The following CNTN5 variants were observed in gnomAD, a reference collection of about 807,000 sequenced individuals.
CNTN5 encodes the protein contactin-5.
A neutral mutation model predicts 129.1 loss-of-function variants in CNTN5; 77 were observed. The observed-to-expected ratio is 0.60, with a 90% CI of 0.50 to 0.72. The LOEUF (loss-of-function observed/expected upper bound fraction) is 0.72. CNTN5 is among the 30% of genes least tolerant of loss of function. The probability of loss-of-function intolerance (pLI) is 0.00; values close to 1 mark genes in which losing one functional copy is unlikely to be tolerated. For synonymous variants in CNTN5, 509 were observed against 465.6 expected, an observed-to-expected ratio of 1.09 and a Z score of -1.20; for missense variants, 1,478 against 1,328.8, an observed-to-expected ratio of 1.11 and a Z score of -1.75.
intron 2 of CNTN5, among the ~76,000 whole-genome samples, chr11:99,487,743 C>T (rs1945872406): frequency 6.6e-6 from 1 of 152,134 alleles, no homozygotes; most frequent in Non-Finnish European, 1.5e-5. Context: ...CAGGAGACTC[C>T]TTTAATCCTA....
intron 18 of CNTN5, among the ~76,000 whole-genome samples, chr11:100,274,782 T>G (rs1439166248): frequency 6.6e-6 from 1 of 152,224 alleles, no homozygotes; most frequent in Non-Finnish European, 1.5e-5. Context: ...TATACACTGT[T>G]GGTGGGAGTA....
At chr11:99,102,888 A>G (rs1050387779) in intron 1 of CNTN5, among the ~76,000 whole-genome samples, 1 of 152,026 alleles carries the variant, frequency 6.6e-6, no homozygotes, top group African/African-American at 2.4e-5. Context: ...GTATTAGTCC[A>G]TTTTCACGGT....
intron 1 of CNTN5, among the ~76,000 whole-genome samples, chr11:99,067,143 A>G (rs1044510649): frequency 4.6e-5 from 7 of 152,116 alleles, no homozygotes; most frequent in Admixed American, 6.6e-5. Context: ...ATACACAAAC[A>G]TATTGGTATC....
intron 3 of CNTN5, among the ~76,000 whole-genome samples, chr11:99,790,566 C>CTA (rs781476034): frequency 9.9e-5 from 15 of 152,126 alleles, no homozygotes; most frequent in Non-Finnish European, 2.1e-4. Flanking sequence ...TTTACCCAGT[C>CTA]TACCATTCAT....
chr11:99,245,484 A>AT (rs573740989), intron 1 of CNTN5, among the ~76,000 whole-genome samples: 158 of 151,752 alleles, frequency 1.0e-3, no homozygotes, highest in Non-Finnish European at 7.2e-4. Context: ...TGCCCGGCTA[A>AT]TTTTTTTTGT....
At chr11:99,035,267 C>T (rs1327849118) in intron 1 of CNTN5, among the ~76,000 whole-genome samples, 2 of 149,160 alleles carry the variant, frequency 1.3e-5, no homozygotes, top group African/African-American at 4.9e-5. Context: ...GTGGAGAGTT[C>T]TGTAGATGTC....
At chr11:99,872,086 C>G (rs917295185) in intron 6 of CNTN5, among the ~76,000 whole-genome samples, 2 of 151,904 alleles carry the variant, frequency 1.3e-5, no homozygotes, top group Non-Finnish European at 2.9e-5. Context: ...TCTTTATTGA[C>G]CATTGCCTGT....
At chr11:99,132,657 G>C (rs577691301) in intron 1 of CNTN5, among the ~76,000 whole-genome samples, 147 of 152,140 alleles carry the variant, frequency 9.7e-4, no homozygotes, top group African/African-American at 3.4e-3. Flanking sequence ...ATTCATAATT[G>C]CCACAAAAAG....
At chr11:99,614,414 G>T in intron 3 of CNTN5, among the ~76,000 whole-genome samples, 1 of 152,166 alleles carries the variant, frequency 6.6e-6, no homozygotes, top group East Asian at 1.9e-4. Flanking sequence ...CACGAGTGGA[G>T]GGATGGTGGG....
intron 1 of CNTN5, among the ~76,000 whole-genome samples, chr11:99,128,588 C>T (rs550473281): frequency 6.6e-6 from 1 of 152,256 alleles, no homozygotes. Context: ...AGGGGGACTC[C>T]CCCAGCACAG....
intron 2 of CNTN5, among the ~76,000 whole-genome samples, chr11:99,390,545 A>G (rs1228994096): frequency 2.6e-5 from 4 of 152,204 alleles, no homozygotes; most frequent in South Asian, 2.1e-4. Context: ...AAATAGTTGG[A>G]CTTCAGATTC....
rs56122118 is a variant in CNTN5, at chr11:100,061,301, C to T, written c.1070C>T (p.Pro357Leu). ...AAATCTCAGGCGGTGCTGGAAATAC[C>T]GAATGTACAGCTGGATGATGCAGGC... is the stretch of plus-strand genomic sequence containing the variant. Reference protein sequence around the residue: ...LRKSQAVLEIPNVQLDDAGIY... With the variant: ...LRKSQAVLEILNVQLDDAGIY... Residue 357 changes from proline to leucine, a missense_variant, in exon 10 of 25, where the codon CCG (proline) becomes CTG (leucine). By Grantham distance (98) the Pro-to-Leu change is moderately conservative. Coordinates refer to ENST00000524871, the MANE Select transcript of CNTN5 (RefSeq NM_014361.4). The T allele has an allele frequency of 5.7e-4, 914 of 1,613,448 alleles. No homozygotes were observed. The highest frequency in any genetic ancestry group is 7.1e-4 in the Non-Finnish European group (836 of 1,179,498).
chr11:100,300,143 G>C (rs968737842), intron 20 of CNTN5, among the ~76,000 whole-genome samples: 11 of 151,374 alleles, frequency 7.3e-5, no homozygotes, highest in Non-Finnish European at 1.5e-4. Flanking sequence ...TTACAGATGA[G>C]TAAACTGTAA....
chr11:99,561,359 C>T (rs1294892486), intron 3 of CNTN5, among the ~76,000 whole-genome samples: 1 of 151,856 alleles, frequency 6.6e-6, no homozygotes, highest in African/African-American at 2.4e-5. Flanking sequence ...AATGAATATT[C>T]ATAAGTCCAT....
At chr11:99,956,748 T>C in intron 7 of CNTN5, 58 bp from the exon 8 acceptor site, 1 of 1,299,468 alleles carries the variant, frequency 7.7e-7, no homozygotes. Flanking sequence ...TTGTTTGAGC[T>C]TTGTCTGTTA....
intron 13 of CNTN5, among the ~76,000 whole-genome samples, chr11:100,134,850 T>C (rs1565274056): frequency 6.6e-6 from 1 of 152,120 alleles, no homozygotes; most frequent in East Asian, 1.9e-4. Flanking sequence ...TGTATTTCAG[T>C]TGTATTTTAT....
chr11:100,353,755 T>A (rs185532175), intron 24 of CNTN5, among the ~76,000 whole-genome samples: 1 of 151,790 alleles, frequency 6.6e-6, no homozygotes, highest in Non-Finnish European at 1.5e-5. Flanking sequence ...AGTAGTGTAT[T>A]AGCTGTAAAA....
chr11:99,175,048 C>T lies in CNTN5; in HGVS notation c.-209-150298C>T, dbSNP rs559266770. Among the ~76,000 whole-genome samples the T allele has an allele frequency of 8.6e-5, 13 of 152,042 alleles. No homozygotes were observed. In the South Asian group the frequency reaches 2.7e-3, roughly 32 times the overall value. Reference sequence around the variant, plus strand: ...AAGAGTTTGAAACCAGCCTTGGCAACAAAGTAAGACTCTAGTCTCTGCAAG... The same window carrying T: ...AAGAGTTTGAAACCAGCCTTGGCAATAAAGTAAGACTCTAGTCTCTGCAAG... On this transcript the variant is annotated intron_variant, in intron 1 of 24. Transcript: ENST00000524871.
At chr11:100,202,698 T>A (rs1340626870) in intron 15 of CNTN5, among the ~76,000 whole-genome samples, 2 of 152,016 alleles carry the variant, frequency 1.3e-5, no homozygotes, top group Non-Finnish European at 2.9e-5. Context: ...CAGCCCTTTT[T>A]ACCCTTCTTC....
Sources: gnomAD v4.1 joint callset for allele counts (sites outside exome capture counted in the v4.1 genomes callset) on GRCh38, gnomAD v4.1.1 for gene constraint, MANE v1.5 for transcripts, NCBI Gene and HGNC (gene_info 2026-07-23, HGNC 2026-07-21) for gene names.